The following MAG variants were observed in gnomAD, a reference collection of about 807,000 sequenced individuals.
MAG encodes myelin associated glycoprotein, also known as myelin-associated glycoprotein.
In MAG, 30 loss-of-function variants were observed where a neutral mutation model predicts 60.7. That is an observed-to-expected ratio of 0.49 (90% confidence interval 0.37 to 0.67). MAG has a LOEUF of 0.67. MAG is among the 30% of genes least tolerant of loss of function. The pLI is 0.00. For synonymous variants in MAG, 384 were observed against 376.8 expected, an observed-to-expected ratio of 1.02 and a Z score of -0.22; for missense variants, 795 against 851.7, an observed-to-expected ratio of 0.93 and a Z score of 0.83.
In MAG at chr19:35,297,148, AACACACACC is replaced by A. The variant is rs931549167; in HGVS notation, c.415+1176_415+1184del. Among the ~76,000 whole-genome samples, 14 of 133,148 alleles carry A rather than the reference AACACACACC, an allele frequency of 1.1e-4. 1 individual carries two copies. Among genetic ancestry groups the A allele is most frequent in the East Asian group, 9.3e-4 (4 of 4,302 alleles). The allele number at this position is 133,148 out of a possible 152,430, so 87.4% of individuals were successfully genotyped here. A position where few individuals can be genotyped will look rare whatever the true frequency, so the allele number is the denominator to read the frequency against. On this transcript the variant is annotated intron_variant, in intron 4 of 10. Transcript: ENST00000392213. ...CACACACCACACACACACCACACCA[AACACACACC>A]ACACACACACACCACATTACAAAAA...
At chr19:35,296,562 A>G (rs1286805031) in intron 4 of MAG, among the ~76,000 whole-genome samples, 1 of 152,128 alleles carries the variant, frequency 6.6e-6, no homozygotes, top group Non-Finnish European at 1.5e-5. Flanking sequence ...TTTTTTTAAA[A>G]TCCTTTAAGC....
At chr19:35,302,750 C>T (rs763616880) in intron 7 of MAG, 42 bp downstream of exon 7, 5 of 1,598,724 alleles carry the variant, frequency 3.1e-6, no homozygotes, top group African/African-American at 2.7e-5. Context: ...TGGACGGTTC[C>T]GTGGGGGACA....
Position 35,294,261 on chromosome 19 carries a change from A to G in MAG, c.-53A>G, listed in dbSNP as rs2066379891. ...TTGTCTGGCGGCTTCAGGTGGACCC[A>G]GAAGACGTCCCCAACTCAGGGAGAT... On this transcript the variant is annotated 5_prime_UTR_variant, in exon 2 of 11. Coordinates refer to ENST00000392213, the MANE Select transcript of MAG (RefSeq NM_002361.4). The G allele has an allele frequency of 2.3e-6, 1 of 437,416 alleles. No individual in the cohort carries two copies. Among genetic ancestry groups the G allele is most frequent in the African/African-American group, 2.1e-5 (1 of 48,762 alleles). 27.1% of individuals were successfully genotyped at this position (437,416 alleles called of 1,614,324 possible).
rs1420582975 is a variant in MAG at position 35,293,938 on chromosome 19, C to T, written c.-79-297C>T. Among the ~76,000 whole-genome samples, 3 of 152,174 alleles carry T rather than the reference C, an allele frequency of 2.0e-5. No homozygotes were observed. The highest frequency in any genetic ancestry group is 3.4e-3 in the Middle Eastern group (1 of 294). On this transcript the variant is annotated intron_variant, in intron 1 of 10. Transcript: ENST00000392213. The surrounding 1 kb of genome is among the most constrained non-coding windows in gnomAD (Gnocchi z 4.0). ...TGGGTCCCTGCCCGCCACCCCCAGG[C>T]CCCGGCCGTGGGACATCTGCTCCCT...
intron 6 of MAG, among the ~76,000 whole-genome samples, chr19:35,300,880 C>T (rs1269077941): frequency 6.6e-6 from 1 of 152,150 alleles, no homozygotes. Context: ...CAGGTGTGCA[C>T]CACCACACTC....
Position 35,300,235 on chromosome 19 carries a change from C to A in MAG, c.801C>A (p.Pro267=). ...TGCTCTGTGGGGCTGACAGCAACCC[C>A]CCGCCGCTGCTGACCTGGATGCGGG... The part of the protein sequence containing the change: ...VSLLCGADSN[P]PPLLTWMRDG... The change falls in exon 6 of 11, where the codon CCC becomes CCA. Residue 267 remains proline (P), a synonymous_variant. Coordinates refer to ENST00000392213, the MANE Select transcript of MAG (RefSeq NM_002361.4). 6.3e-7 allele frequency: 1 copy of A among 1,586,904 alleles called. No homozygotes were observed.
chr19:35,300,136 G>A lies in MAG; in HGVS notation c.713-11G>A, dbSNP rs376042744. ...ACCTGCTCACTAACCTCGCTGTGTC[G>A]CGGGCCTTAGACCCCCCGGTGATTG... On this transcript the variant is annotated splice_polypyrimidine_tract_variant and intron_variant, in intron 5 of 10. Coordinates refer to ENST00000392213, the MANE Select transcript of MAG (RefSeq NM_002361.4). 1.8e-5 allele frequency: 27 copies of A among 1,518,780 alleles called. No individual in the cohort carries two copies. The highest frequency in any genetic ancestry group is 2.2e-5 in the Non-Finnish European group (25 of 1,131,222). The allele number at this position is 1,518,780 out of a possible 1,614,324, so 94.1% of individuals were successfully genotyped here. A position where few individuals can be genotyped will look rare whatever the true frequency, so the allele number is the denominator to read the frequency against.
chr19:35,294,314 C>T (rs901991327), intron 2 of MAG, 24 bp downstream of exon 2: 1 of 434,098 alleles, frequency 2.3e-6, no homozygotes, highest in South Asian at 1.6e-5. Flanking sequence ...TACCAACTCT[C>T]TTCCCTTGCT....
Position 35,295,280 on chromosome 19 carries a change from A to T in MAG, c.-23-106A>T. 1 of 855,724 alleles carries T rather than the reference A, an allele frequency of 1.2e-6. No individual in the cohort carries two copies. 53.0% of individuals were successfully genotyped at this position (855,724 alleles called of 1,614,324 possible). On this transcript the variant is annotated intron_variant, in intron 2 of 10. Transcript: ENST00000392213. This position sits in a 1 kb window ranked among gnomAD's most constrained non-coding sequence, Gnocchi z 5.8. ...AAGTAAATAAATGCATAAATAAATA[A>T]TAATAGCAGCAGCAGCTAACATATG...
rs569573151 is a variant in MAG, at chr19:35,296,290, C to T, written c.415+309C>T. Among the ~76,000 whole-genome samples the T allele has an allele frequency of 6.6e-5, 10 of 152,318 alleles. No individual in the cohort carries two copies. The South Asian group carries it at 2.1e-3, about 32-fold the overall frequency. ...CAAGGCTGCTGGGCCCCCACTTTAG[C>T]GTGGTGATCTTGGGCAAGTGACTTA... On this transcript the variant is annotated intron_variant, in intron 4 of 10. Coordinates refer to ENST00000392213, the MANE Select transcript of MAG (RefSeq NM_002361.4).
chr19:35,295,026 T>A lies in MAG; in HGVS notation c.-23-360T>A, dbSNP rs1316208769. On this transcript the variant is annotated intron_variant, in intron 2 of 10. Coordinates refer to ENST00000392213, the MANE Select transcript of MAG (RefSeq NM_002361.4). The surrounding 1 kb of genome is among the most constrained non-coding windows in gnomAD (Gnocchi z 5.8). ...ATCCTTTGGGAAGCCAAGGCAGGAA[T>A]ATTGCTGGAGGCCAGGAGTTGAAGA... Among the ~76,000 whole-genome samples the A allele has an allele frequency of 6.6e-6, 1 of 152,086 alleles. No individual in the cohort carries two copies. Among genetic ancestry groups the A allele is most frequent in the Non-Finnish European group, 1.5e-5 (1 of 68,020 alleles).
chr19:35,297,783 G>A (rs527437447), intron 4 of MAG, among the ~76,000 whole-genome samples: 56 of 124,638 alleles, frequency 4.5e-4, no homozygotes, highest in African/African-American at 1.4e-3. Flanking sequence ...ACATACATGC[G>A]CCACCCCCAC....
Position 35,293,144 on chromosome 19 carries a change from T to C in MAG, c.-80+940T>C, listed in dbSNP as rs2066369685. Among the ~76,000 whole-genome samples the C allele has an allele frequency of 6.6e-6, 1 of 152,084 alleles. No individual in the cohort carries two copies. Among genetic ancestry groups the C allele is most frequent in the African/African-American group, 2.4e-5 (1 of 41,396 alleles). ...TCATCTGCATCTCTCTCCTGTACCTTCCTGTCACAGGTGCAAGGGCAGCGT... is the reference window on the plus strand; with the variant it reads ...TCATCTGCATCTCTCTCCTGTACCTCCCTGTCACAGGTGCAAGGGCAGCGT... On this transcript the variant is annotated intron_variant, in intron 1 of 10. Transcript: ENST00000392213. This position sits in a 1 kb window ranked among gnomAD's most constrained non-coding sequence, Gnocchi z 4.0.
chr19:35,298,082 C>T (rs1331479038), intron 4 of MAG, among the ~76,000 whole-genome samples: 1 of 148,486 alleles, frequency 6.7e-6, no homozygotes, highest in Non-Finnish European at 1.5e-5. Context: ...ATGCCACACA[C>T]TACACACACC....
intron 1 of MAG, among the ~76,000 whole-genome samples, chr19:35,292,554 G>A (rs2066364638): frequency 6.6e-6 from 1 of 152,104 alleles, no homozygotes; most frequent in African/African-American, 2.4e-5. Context: ...AGGATGTCCA[G>A]GTGATCAGAC....
At chr19:35,308,802 T>C (rs985499673) in intron 7 of MAG, among the ~76,000 whole-genome samples, 2 of 151,832 alleles carry the variant, frequency 1.3e-5, no homozygotes, top group African/African-American at 4.8e-5. Context: ...CTATGTGAAA[T>C]TTTTTCTGCA....
intron 1 of MAG, 82 bp downstream of exon 1, chr19:35,292,286 C>T: frequency 2.2e-6 from 1 of 455,654 alleles, no homozygotes; most frequent in Non-Finnish European, 4.4e-6. Flanking sequence ...GGGTCAGGTG[C>T]TCTGGGTGAG....
chr19:35,300,379 C>T lies in MAG; in HGVS notation c.945C>T (p.Asn315=). 1 of 1,585,862 alleles carries T rather than the reference C, an allele frequency of 6.3e-7. No individual in the cohort carries two copies. Among genetic ancestry groups the T allele is most frequent in the East Asian group, 2.2e-5 (1 of 44,470 alleles). Residue 315 remains asparagine (N), a synonymous_variant, in exon 6 of 11, where the codon AAC becomes AAT. Transcript: ENST00000392213. ...CLAENAYGQD[N]RTVGLSVMYA... ...CCGAGAATGCCTATGGCCAGGACAA[C>T]CGCACCGTGGGGCTCAGTGTCATGT...
At chr19:35,292,926 T>C (rs1212069210) in intron 1 of MAG, among the ~76,000 whole-genome samples, 1 of 152,104 alleles carries the variant, frequency 6.6e-6, no homozygotes, top group Non-Finnish European at 1.5e-5. Flanking sequence ...TTTAGATGCA[T>C]TTGTCCTCAT....
Sources: gnomAD v4.1 joint callset for allele counts (sites outside exome capture counted in the v4.1 genomes callset) on GRCh38, gnomAD v4.1.1 for gene constraint, Gnocchi (gnomAD v3.1) non-coding constraint, MANE v1.5 for transcripts, NCBI Gene and HGNC (gene_info 2026-07-23, HGNC 2026-07-21) for gene names.